ST6GALNAC3: variants seen among roughly 807,000 people sequenced by gnomAD.
The protein encoded by ST6GALNAC3 is ST6 N-acetylgalactosaminide alpha-2,6-sialyltransferase 3.
A neutral mutation model predicts 32.7 loss-of-function variants in ST6GALNAC3; 25 were observed. The observed-to-expected ratio is 0.76, with a 90% CI of 0.56 to 1.07. The LOEUF is 1.07. Ranked by LOEUF, ST6GALNAC3 falls within the 50% of genes least tolerant of loss-of-function variation. The pLI is 0.00. For missense variants in ST6GALNAC3, 355 were observed against 382.4 expected (o/e 0.93, Z 0.60); for synonymous variants, 129 against 133.1 (o/e 0.97, Z 0.21).
intron 3 of ST6GALNAC3, among the ~76,000 whole-genome samples, chr1:76,441,376 A>G (rs1235039641): frequency 6.6e-6 from 1 of 152,188 alleles, no homozygotes; most frequent in Non-Finnish European, 1.5e-5. Context: ...AGGCAAGTGA[A>G]GCTCAGAAAG....
chr1:76,350,782 T>C (rs1291729851), intron 2 of ST6GALNAC3, among the ~76,000 whole-genome samples: 5 of 152,208 alleles, frequency 3.3e-5, no homozygotes, highest in Admixed American at 2.0e-4. Context: ...CTTTTAGTAC[T>C]TACACTAATA....
chr1:76,571,509 G>C (rs1199053640), intron 3 of ST6GALNAC3, among the ~76,000 whole-genome samples: 1 of 152,060 alleles, frequency 6.6e-6, no homozygotes, highest in Non-Finnish European at 1.5e-5. Context: ...AGCATGTTTT[G>C]TTAGGGAACT....
chr1:76,193,686 T>A (rs530568799), intron 1 of ST6GALNAC3, among the ~76,000 whole-genome samples: 2 of 152,286 alleles, frequency 1.3e-5, no homozygotes, highest in East Asian at 3.9e-4. Context: ...ATCTTACTGA[T>A]CCTCTGTCTT....
At chr1:76,282,590 A>T (rs1406481156) in intron 1 of ST6GALNAC3, among the ~76,000 whole-genome samples, 2 of 152,186 alleles carry the variant, frequency 1.3e-5, no homozygotes, top group Admixed American at 6.5e-5. Context: ...AAATGGCACC[A>T]GTTACTGTTT....
rs188489987 is a variant in ST6GALNAC3, at chr1:76,247,509, G to A, written c.19-66296G>A. Among the ~76,000 whole-genome samples, 25 of 152,214 alleles carry A rather than the reference G, an allele frequency of 1.6e-4. No individual in the cohort carries two copies. The East Asian group carries it at 4.6e-3, about 28-fold the overall frequency. On this transcript the variant is annotated intron_variant, in intron 1 of 4. Transcript: ENST00000328299. Reference sequence around the variant, plus strand: ...TGACTGGGGCTGCTGCATTTCCTTCGAAGATGTCTTGCCCAGTGAGGTGGA... The same window carrying A: ...TGACTGGGGCTGCTGCATTTCCTTCAAAGATGTCTTGCCCAGTGAGGTGGA...
chr1:76,164,813 G>A (rs1483245061), intron 1 of ST6GALNAC3, among the ~76,000 whole-genome samples: 1 of 152,082 alleles, frequency 6.6e-6, no homozygotes, highest in Non-Finnish European at 1.5e-5. Flanking sequence ...AGCTGATTTT[G>A]TAGAGCCAGA....
intron 3 of ST6GALNAC3, among the ~76,000 whole-genome samples, chr1:76,562,338 G>A (rs1665290219): frequency 6.6e-6 from 1 of 152,184 alleles, no homozygotes; most frequent in African/African-American, 2.4e-5. Context: ...AAGCTGAGAT[G>A]ATAGACAAGG....
At chr1:76,160,209 A>G (rs1346328851) in intron 1 of ST6GALNAC3, among the ~76,000 whole-genome samples, 1 of 152,184 alleles carries the variant, frequency 6.6e-6, no homozygotes. Context: ...TAGTAATCCC[A>G]GAGGTCAAGA....
intron 2 of ST6GALNAC3, among the ~76,000 whole-genome samples, chr1:76,357,156 A>G (rs1490352441): frequency 1.5e-3 from 4 of 2,594 alleles, no homozygotes; most frequent in African/African-American, 2.7e-3. Flanking sequence ...CATTTTTGAG[A>G]CCGAGTCTTA....
chr1:76,481,210 A>G (rs888072154), intron 3 of ST6GALNAC3, among the ~76,000 whole-genome samples: 7 of 152,202 alleles, frequency 4.6e-5, no homozygotes. Context: ...CATCAAGAAA[A>G]TAGGCCTAAT....
At chr1:76,262,328 C>T (rs1192795487) in intron 1 of ST6GALNAC3, among the ~76,000 whole-genome samples, 1 of 152,206 alleles carries the variant, frequency 6.6e-6, no homozygotes, top group Non-Finnish European at 1.5e-5. Context: ...ACCAGTGCCA[C>T]TGTGCTAATT....
intron 3 of ST6GALNAC3, among the ~76,000 whole-genome samples, chr1:76,465,014 C>G (rs1156723778): frequency 1.3e-5 from 2 of 152,158 alleles, no homozygotes; most frequent in Non-Finnish European, 2.9e-5. Context: ...ATCAGGCGTT[C>G]TATAAATTAA....
At chr1:76,250,969 C>T (rs2100696439) in intron 1 of ST6GALNAC3, among the ~76,000 whole-genome samples, 1 of 152,270 alleles carries the variant, frequency 6.6e-6, no homozygotes, top group East Asian at 1.9e-4. Flanking sequence ...TTTTCAAAAT[C>T]TGCATTTGTA....
intron 1 of ST6GALNAC3, among the ~76,000 whole-genome samples, chr1:76,140,700 T>C (rs1650263110): frequency 6.6e-6 from 1 of 150,558 alleles, no homozygotes; most frequent in African/African-American, 2.4e-5. Context: ...TCACAGCTCC[T>C]TGGACTCCTG....
intron 1 of ST6GALNAC3, among the ~76,000 whole-genome samples, chr1:76,270,617 A>C (rs1373458546): frequency 6.6e-6 from 1 of 151,892 alleles, no homozygotes; most frequent in Non-Finnish European, 1.5e-5. Context: ...ACCCAGTTAT[A>C]ATGAAACTGA....
intron 3 of ST6GALNAC3, among the ~76,000 whole-genome samples, chr1:76,435,398 G>A (rs1395155833): frequency 6.6e-6 from 1 of 152,136 alleles, no homozygotes. Context: ...AGCTGCAAAT[G>A]GTGAGAATAA....
chr1:76,467,130 A>C (rs1658688046), intron 3 of ST6GALNAC3, among the ~76,000 whole-genome samples: 1 of 152,224 alleles, frequency 6.6e-6, no homozygotes, highest in Non-Finnish European at 1.5e-5. Flanking sequence ...AAATGAACAA[A>C]AGAGAGAGAC....
At chr1:76,319,420 G>A (rs1330308281) in intron 2 of ST6GALNAC3, among the ~76,000 whole-genome samples, 1 of 152,120 alleles carries the variant, frequency 6.6e-6, no homozygotes, top group East Asian at 1.9e-4. Context: ...GGCCACACTA[G>A]CCTAATTAAA....
intron 3 of ST6GALNAC3, chr1:76,576,766 G>A (rs987858767): frequency 2.7e-6 from 3 of 1,099,032 alleles, no homozygotes; most frequent in Non-Finnish European, 3.7e-6. Flanking sequence ...GGAATGAGGG[G>A]GTTCTGATAG....
Sources: allele counts gnomAD v4.1 joint callset (sites outside exome capture counted in the v4.1 genomes callset), GRCh38; gene constraint gnomAD v4.1.1; transcripts MANE v1.5; gene names NCBI Gene and HGNC (gene_info 2026-07-23, HGNC 2026-07-21).